The following UBE3D variants were observed in gnomAD, a reference collection of about 807,000 sequenced individuals.
The protein encoded by UBE3D is E3 ubiquitin-protein ligase E3D.
UBE3D carries 48 observed loss-of-function variants against 49.6 expected under a neutral mutation model. That is an observed-to-expected ratio of 0.97 (90% CI 0.77 to 1.23). The LOEUF (loss-of-function observed/expected upper bound fraction) is 1.23. Among genes scored for constraint, UBE3D ranks in the 50% most tolerant of loss-of-function variants. The probability of loss-of-function intolerance (pLI) is 0.00; values close to 1 mark genes in which losing one functional copy is unlikely to be tolerated. For missense variants in UBE3D, 452 were observed against 468.4 expected (o/e 0.96, Z 0.32); for synonymous variants, 189 against 174.2 (o/e 1.08, Z -0.67).
chr6:83,017,453 A>C (rs898256665), intron 8 of UBE3D: 1 of 152,140 alleles, frequency 6.6e-6, no homozygotes, highest in East Asian at 1.9e-4. Context: ...TTGACTATGC[A>C]TAAGGGCACA....
At chr6:83,044,735 G>C (rs1782913535) in intron 3 of UBE3D, 76 bp from the exon 4 acceptor site, 6 of 1,242,892 alleles carry the variant, frequency 4.8e-6, no homozygotes, top group Non-Finnish European at 6.8e-6. Flanking sequence ...GACCATAAAA[G>C]ATGAAAGAAA....
intron 9 of UBE3D, among the ~76,000 whole-genome samples, chr6:82,942,836 G>A (rs982781548): frequency 6.6e-6 from 1 of 152,256 alleles, no homozygotes; most frequent in Non-Finnish European, 1.5e-5. Flanking sequence ...GCAGAAATGT[G>A]GGGTCTGAGC....
chr6:83,027,322 G>C (rs968870308), intron 5 of UBE3D, among the ~76,000 whole-genome samples: 1 of 151,138 alleles, frequency 6.6e-6, no homozygotes, highest in East Asian at 2.0e-4. Flanking sequence ...TGTAATCCCA[G>C]CTACTTGGAA....
rs551984177 is a variant in UBE3D at position 82,959,555 on chromosome 6, T to C, written c.1011-2105A>G. Among the ~76,000 whole-genome samples the C allele has an allele frequency of 2.0e-4, 30 of 151,730 alleles. 1 individual carries two copies. The highest frequency in any genetic ancestry group is 3.4e-3 in the Middle Eastern group (1 of 292). On this transcript the variant is annotated intron_variant, in intron 8 of 9. Coordinates refer to ENST00000369747, the MANE Select transcript of UBE3D (RefSeq NM_198920.3). The stretch of plus-strand genomic sequence containing the variant: ...CTATTTGCAGCGTCATAATAAGCCC[T>C]TGATTTGTTGAGCTCCCACATAGCT...
intron 5 of UBE3D, among the ~76,000 whole-genome samples, chr6:83,030,079 G>A (rs556118826): frequency 6.6e-6 from 1 of 152,202 alleles, no homozygotes; most frequent in African/African-American, 2.4e-5. Flanking sequence ...CATTTTTTGT[G>A]TGTATGCAGA....
At chr6:83,029,278 G>A (rs1455421683) in intron 5 of UBE3D, among the ~76,000 whole-genome samples, 3 of 152,028 alleles carry the variant, frequency 2.0e-5, no homozygotes, top group Non-Finnish European at 1.5e-5. Flanking sequence ...CCCACAAACT[G>A]GAAGTTCTGT....
chr6:82,980,334 T>C (rs1266424549), intron 8 of UBE3D, among the ~76,000 whole-genome samples: 1 of 152,094 alleles, frequency 6.6e-6, no homozygotes, highest in African/African-American at 2.4e-5. Flanking sequence ...TTCCTGATGA[T>C]TAGTGATGTT....
chr6:82,915,244 ATGT>A (rs1238349267), intron 9 of UBE3D, among the ~76,000 whole-genome samples: 4 of 152,184 alleles, frequency 2.6e-5, no homozygotes, highest in African/African-American at 9.6e-5. Context: ...AGCCTAAATA[ATGT>A]TGTGTTGCAT....
the UBE3D span, among the ~76,000 whole-genome samples, chr6:82,885,009 G>T: frequency 1.3e-5 from 2 of 152,224 alleles, no homozygotes; most frequent in Non-Finnish European, 1.5e-5. Context: ...TGCAAGAGAA[G>T]ATTCTGAAAA....
At chr6:82,967,037 T>A (rs1468788382) in intron 8 of UBE3D, among the ~76,000 whole-genome samples, 1 of 152,194 alleles carries the variant, frequency 6.6e-6, no homozygotes, top group East Asian at 1.9e-4. Context: ...TTTATTTCCA[T>A]TCCCTGCCTC....
intron 9 of UBE3D, among the ~76,000 whole-genome samples, chr6:82,896,929 T>TG (rs1771365209): frequency 6.6e-6 from 1 of 151,818 alleles, no homozygotes; most frequent in African/African-American, 2.4e-5. Flanking sequence ...TTAGTAGAGA[T>TG]GGGGTTTCAC....
chr6:82,888,133 CT>C (rs1770922218), downstream of UBE3D, among the ~76,000 whole-genome samples: 1 of 151,996 alleles, frequency 6.6e-6, no homozygotes, highest in Non-Finnish European at 1.5e-5. Context: ...CAGTTTCAAT[CT>C]GCAGAAAGCC....
intron 9 of UBE3D, among the ~76,000 whole-genome samples, chr6:82,898,418 G>A (rs780488088): frequency 2.3e-4 from 35 of 152,118 alleles, no homozygotes; most frequent in Non-Finnish European, 3.1e-4. Flanking sequence ...GCAAAGACTT[G>A]GAACCAACAC....
chr6:83,040,887 C>T (rs2127811634), intron 4 of UBE3D, among the ~76,000 whole-genome samples: 1 of 152,294 alleles, frequency 6.6e-6, no homozygotes, highest in South Asian at 2.1e-4. Flanking sequence ...AGGTAAGAGA[C>T]AGACACAGAA....
intron 2 of UBE3D, among the ~76,000 whole-genome samples, chr6:83,055,122 T>C (rs1490487109): frequency 8.5e-6 from 1 of 117,930 alleles, no homozygotes; most frequent in East Asian, 2.7e-4. Flanking sequence ...AAAGCTATGG[T>C]AAAACGTTGA....
chr6:82,965,476 G>A (rs948334908), intron 8 of UBE3D, among the ~76,000 whole-genome samples: 35 of 151,700 alleles, frequency 2.3e-4, no homozygotes, highest in Middle Eastern at 3.4e-3. Flanking sequence ...CCAGCTACTC[G>A]GGAGACTGAG....
chr6:83,025,861 C>T (rs1368579313), intron 5 of UBE3D, among the ~76,000 whole-genome samples: 2 of 121,882 alleles, frequency 1.6e-5, no homozygotes, highest in African/African-American at 3.2e-5. Context: ...CCAGCCTGGG[C>T]GACAGAACGT....
intron 9 of UBE3D, chr6:82,938,575 G>A (rs1411245946): frequency 6.6e-6 from 1 of 152,216 alleles, no homozygotes; most frequent in Non-Finnish European, 1.5e-5. Context: ...ACTGTGTTAA[G>A]TGCAGGTTAA....
At chr6:83,014,329 T>C (rs1214286005) in intron 8 of UBE3D, among the ~76,000 whole-genome samples, 1 of 152,238 alleles carries the variant, frequency 6.6e-6, no homozygotes, top group Non-Finnish European at 1.5e-5. Context: ...TTTGATTTAC[T>C]ATTTTTCTAG....
Sources: gnomAD v4.1 joint callset for allele counts (sites outside exome capture counted in the v4.1 genomes callset) on GRCh38, gnomAD v4.1.1 for gene constraint, MANE v1.5 for transcripts, NCBI Gene and HGNC (gene_info 2026-07-23, HGNC 2026-07-21) for gene names.